The following RSPH3 variants were observed in gnomAD, a reference collection of about 807,000 sequenced individuals.
RSPH3 encodes the protein radial spoke head 3.
In RSPH3, 21 loss-of-function variants were observed where a neutral mutation model predicts 43.8. That is an observed-to-expected ratio of 0.48 (90% CI 0.34 to 0.69). The LOEUF is 0.69. RSPH3 is among the 30% of genes least tolerant of loss of function. The probability of loss-of-function intolerance (pLI) is 0.01; values close to 1 mark genes in which losing one functional copy is unlikely to be tolerated. For missense variants in RSPH3, 487 were observed against 516.0 expected, an observed-to-expected ratio of 0.94 and a Z score of 0.54; for synonymous variants, 173 against 179.8, an observed-to-expected ratio of 0.96 and a Z score of 0.30.
rs1168012108 is a variant in RSPH3 at position 158,999,852 on chromosome 6, G to A, written c.-302C>T. On this transcript the variant is annotated 5_prime_UTR_variant, in exon 1 of 8. Coordinates refer to ENST00000367069, the MANE Select transcript of RSPH3 (RefSeq NM_031924.8). The stretch of plus-strand genomic sequence containing the variant: ...GCAGTTCCGGTCCCCAGGTTTCCCG[G>A]GAAGGACTGCGGCACAAGGGACTTC... 6.2e-7 allele frequency: 1 copy of A among 1,613,812 alleles called. No individual in the cohort carries two copies. Among genetic ancestry groups the A allele is most frequent in the Non-Finnish European group, 8.5e-7 (1 of 1,179,970 alleles).
At chr6:158,967,546 C>T in the RSPH3 span, among the ~76,000 whole-genome samples, 8,645 of 152,162 alleles carry the variant, frequency 0.057, 451 homozygotes, top group African/African-American at 0.14. Context: ...TCCATGTGCA[C>T]TTGAGAAGAA....
intron 1 of RSPH3, among the ~76,000 whole-genome samples, chr6:158,998,136 A>T (rs1778661263): frequency 6.8e-6 from 1 of 146,592 alleles, no homozygotes; most frequent in African/African-American, 2.5e-5. Flanking sequence ...GAACCGTTTA[A>T]CTTTAAGAGA....
Position 158,982,514 on chromosome 6 carries a change from C to T in RSPH3, c.667G>A (p.Glu223Lys). 2 of 1,477,956 alleles carry T rather than the reference C, an allele frequency of 1.4e-6. No homozygotes were observed. Among genetic ancestry groups the T allele is most frequent in the Non-Finnish European group, 1.8e-6 (2 of 1,109,756 alleles). The allele number at this position is 1,477,956 out of a possible 1,614,324, so 91.6% of individuals were successfully genotyped here. The change falls in exon 5 of 8, where the codon GAG becomes AAG. Residue 223 changes from glutamate to lysine, a missense_variant. Glu to Lys is a moderately conservative substitution (Grantham distance 56). Transcript: ENST00000367069. ...TCTTCTCGGTGTCGCCTCTCTTGCT[C>T]TTCAAGTCGTTGAACTTCAGCACGT... The part of the protein sequence containing the change: ...SERAEVQRLE[E>K]QERRHREEKE...
At chr6:158,968,671 T>C (rs189849909), downstream of RSPH3, among the ~76,000 whole-genome samples, 4 of 152,336 alleles carry the variant, frequency 2.6e-5, no homozygotes, top group East Asian at 7.7e-4. Flanking sequence ...TTCTCTAGTA[T>C]TATTCTGTTC....
intron 7 of RSPH3, 140 bp from the exon 8 acceptor site, chr6:158,977,988 T>A (rs1777907871): frequency 1.5e-6 from 1 of 686,080 alleles, no homozygotes; most frequent in South Asian, 2.0e-5. Context: ...TTTTTGGAAG[T>A]CAGCATACTT....
chr6:158,999,978 C>T lies in RSPH3; in HGVS notation c.-428G>A, dbSNP rs1341061411. 1 of 1,580,852 alleles carries T rather than the reference C, an allele frequency of 6.3e-7. No homozygotes were observed. The highest frequency in any genetic ancestry group is 8.6e-7 in the Non-Finnish European group (1 of 1,162,152). On this transcript the variant is annotated 5_prime_UTR_variant, in exon 1 of 8. Transcript: ENST00000367069. ...GGCCTTGGCTGGCTTGACCGTCATC[C>T]TTGAGGCCTGCGGGGCAACGGTGGC... is the stretch of plus-strand genomic sequence containing the variant.
intron 3 of RSPH3, among the ~76,000 whole-genome samples, chr6:158,985,752 G>A (rs1055954430): frequency 6.6e-5 from 10 of 150,610 alleles, no homozygotes; most frequent in Non-Finnish European, 1.5e-4. Flanking sequence ...CCCCATCCCA[G>A]ACTTCCAGCC....
chr6:158,999,897 G>C lies in RSPH3; in HGVS notation c.-347C>G, dbSNP rs748598085. On this transcript the variant is annotated 5_prime_UTR_variant, in exon 1 of 8. Transcript: ENST00000367069. ...GACTTCCGGCTCTTGACTCCGCCCAGCCGCGCCACCCAGGTAGGTGCGCCT... is the reference window on the plus strand; with the variant it reads ...GACTTCCGGCTCTTGACTCCGCCCACCCGCGCCACCCAGGTAGGTGCGCCT... The C allele has an allele frequency of 3.1e-6, 5 of 1,613,314 alleles. No individual in the cohort carries two copies. In the Middle Eastern group the frequency reaches 6.6e-4, roughly 213 times the overall value.
downstream of RSPH3, among the ~76,000 whole-genome samples, chr6:158,968,346 T>C (rs1777654062): frequency 6.6e-6 from 1 of 152,136 alleles, no homozygotes; most frequent in Non-Finnish European, 1.5e-5. Flanking sequence ...GCAATTCTCC[T>C]GCCTCAGCCT....
Position 158,982,590 on chromosome 6 carries a change from C to A in RSPH3, c.591G>T (p.Leu197=). 1 of 1,613,890 alleles carries A rather than the reference C, an allele frequency of 6.2e-7. No homozygotes were observed. The highest frequency in any genetic ancestry group is 8.5e-7 in the Non-Finnish European group (1 of 1,179,938). The change falls in exon 5 of 8, where the codon CTG becomes CTT. Residue 197 remains leucine (L), a synonymous_variant. Coordinates refer to ENST00000367069, the MANE Select transcript of RSPH3 (RefSeq NM_031924.8). ...CACGCTGACTGGCCCGCAGGTTAGCCAGCTCTTCTTCTTCCATTACTTCCA... is the reference window on the plus strand; with the variant it reads ...CACGCTGACTGGCCCGCAGGTTAGCAAGCTCTTCTTCTTCCATTACTTCCA... ...SLLEVMEEEE[L]ANLRASQREY...
chr6:158,985,235 CCAGAGGACAGAAG>C (rs1015393818), intron 3 of RSPH3, among the ~76,000 whole-genome samples: 3 of 152,142 alleles, frequency 2.0e-5, no homozygotes, highest in African/African-American at 7.2e-5. Context: ...AGCGACAGAA[CCAGAGGACAGAAG>C]AGGCTGGTGT....
intron 2 of RSPH3, among the ~76,000 whole-genome samples, chr6:158,992,192 TA>T (rs1431754615): frequency 6.6e-6 from 1 of 152,114 alleles, no homozygotes; most frequent in Non-Finnish European, 1.5e-5. Flanking sequence ...AACTTCTTTT[TA>T]ATCACGTATT....
In RSPH3 at chr6:158,984,434, T is replaced by TTATATATATA. The variant is rs55999313; in HGVS notation, c.347-637_347-628dup. Among the ~76,000 whole-genome samples the TTATATATATA allele has an allele frequency of 5.4e-3, 343 of 63,552 alleles. 2 individuals are homozygous for TTATATATATA. The highest frequency in any genetic ancestry group is 0.012 in the African/African-American group (152 of 12,230). 41.7% of individuals were successfully genotyped at this position (63,552 alleles called of 152,430 possible). A position where few individuals can be genotyped will look rare whatever the true frequency, so the allele number is the denominator to read the frequency against. ...AGTACAACAGTGGATAAAAAGTCAA[T>TTATATATATA]TATATATATATATATATATATATAT... On this transcript the variant is annotated intron_variant, in intron 3 of 7. Transcript: ENST00000367069.
chr6:158,988,804 T>A (rs763149140), intron 2 of RSPH3, among the ~76,000 whole-genome samples: 4 of 152,198 alleles, frequency 2.6e-5, no homozygotes, highest in Admixed American at 6.5e-5. Context: ...TTCTGTGTTA[T>A]CTTAGACATC....
rs887312043 is a variant in RSPH3, at chr6:158,986,161, C to T, written c.346+119G>A. The T allele has an allele frequency of 4.6e-5, 44 of 948,678 alleles. No homozygotes were observed. The African/African-American group carries it at 5.0e-4, about 11-fold the overall frequency. The allele number at this position is 948,678 out of a possible 1,614,324, so 58.8% of individuals were successfully genotyped here. A position where few individuals can be genotyped will look rare whatever the true frequency, so the allele number is the denominator to read the frequency against. On this transcript the variant is annotated intron_variant, in intron 3 of 7. Coordinates refer to ENST00000367069, the MANE Select transcript of RSPH3 (RefSeq NM_031924.8). ...TAAAGGAACTTCCCTACCATGTGAT[C>T]GGGGAAGTATCAGAGAGCACAGGAG...
At position 158,980,810 on chromosome 6, in the gene RSPH3, T is replaced by G; in HGVS notation, c.823A>C (p.Arg275=). 1 of 1,614,030 alleles carries G rather than the reference T, an allele frequency of 6.2e-7. No individual in the cohort carries two copies. The highest frequency in any genetic ancestry group is 8.5e-7 in the Non-Finnish European group (1 of 1,179,896). The change falls in exon 6 of 8, where the codon AGG becomes CGG. Residue 275 remains arginine, a synonymous_variant. Coordinates refer to ENST00000367069, the MANE Select transcript of RSPH3 (RefSeq NM_031924.8). ...DLLPSVFGSL[R]DSGYFYDPIE... is the part of the protein sequence containing the mutation. ...GGATCATAAAAGTAGCCACTATCCCTGAGGCTGCCAAAAACAGACGGGAGA... is the reference window on the plus strand; with the variant it reads ...GGATCATAAAAGTAGCCACTATCCCGGAGGCTGCCAAAAACAGACGGGAGA...
At position 158,997,823 on chromosome 6, in the gene RSPH3, A is replaced by G. The variant is rs933369258; in HGVS notation, c.116+1612T>C. On this transcript the variant is annotated intron_variant, in intron 1 of 7. Transcript: ENST00000367069. ...AAAATTGAATCCTTTTCTAATATAAATGATCACTCTTCAAATTTAAATTTT... is the reference window on the plus strand; with the variant it reads ...AAAATTGAATCCTTTTCTAATATAAGTGATCACTCTTCAAATTTAAATTTT... Among the ~76,000 whole-genome samples, 6 of 152,332 alleles carry G rather than the reference A, an allele frequency of 3.9e-5. No homozygotes were observed. The East Asian group carries it at 1.2e-3, about 29-fold the overall frequency.
rs571621762 is a variant in RSPH3 at position 158,973,284 on chromosome 6, A to C, written c.*4254T>G. 3.9e-5 allele frequency: 6 copies of C among 152,368 alleles called. No homozygotes were observed. Among genetic ancestry groups the C allele is most frequent in the Admixed American group, 3.9e-4 (6 of 15,310 alleles). The allele number at this position is 152,368 out of a possible 1,614,324, so 9.4% of individuals were successfully genotyped here. A position where few individuals can be genotyped will look rare whatever the true frequency, so the allele number is the denominator to read the frequency against. ...GTGTCAAATTTTCCATAGCAGGTAAAGCATAGAAAAAAAATCTAGCTGATA... is the reference window on the plus strand; with the variant it reads ...GTGTCAAATTTTCCATAGCAGGTAACGCATAGAAAAAAAATCTAGCTGATA... On this transcript the variant is annotated 3_prime_UTR_variant, in exon 8 of 8. Coordinates refer to ENST00000367069, the MANE Select transcript of RSPH3 (RefSeq NM_031924.8).
intron 6 of RSPH3, among the ~76,000 whole-genome samples, chr6:158,979,499 T>C (rs1777959684): frequency 6.6e-6 from 1 of 152,270 alleles, no homozygotes; most frequent in East Asian, 1.9e-4. Flanking sequence ...TGAGGCCTAA[T>C]ATTTCCACTG....
Sources: allele counts gnomAD v4.1 joint callset (sites outside exome capture counted in the v4.1 genomes callset), GRCh38; gene constraint gnomAD v4.1.1; transcripts MANE v1.5; gene names NCBI Gene and HGNC (gene_info 2026-07-23, HGNC 2026-07-21).